CSMD1: variants seen among roughly 807,000 people sequenced by gnomAD.
CSMD1 encodes the protein CUB and Sushi multiple domains 1.
CSMD1 carries 213 observed loss-of-function variants against 417.5 expected under a neutral mutation model. The ratio of observed to expected loss-of-function variants is 0.51; its 90% CI spans 0.46 to 0.57. The LOEUF is 0.57. Ranked by LOEUF, CSMD1 falls within the 20% of genes least tolerant of loss-of-function variation. CSMD1 has a pLI of 0.00. For synonymous variants in CSMD1, 2,862 were observed against 1,736.8 expected, an observed-to-expected ratio of 1.65 and a Z score of -16.11; for missense variants, 6,923 against 4,529.7, an observed-to-expected ratio of 1.53 and a Z score of -15.17.
At chr8:3,766,571 T>C (rs949757127) in intron 5 of CSMD1, among the ~76,000 whole-genome samples, 2 of 152,122 alleles carry the variant, frequency 1.3e-5, no homozygotes, top group African/African-American at 4.8e-5. Flanking sequence ...ATCCATATCA[T>C]ATTTTGACTA....
chr8:3,380,188 GAC>G (rs1244894658), intron 18 of CSMD1, among the ~76,000 whole-genome samples: 22 of 152,186 alleles, frequency 1.4e-4, no homozygotes, highest in Non-Finnish European at 2.9e-4. Flanking sequence ...ACCACAGTGA[GAC>G]ACAGTCTCAC....
intron 2 of CSMD1, among the ~76,000 whole-genome samples, chr8:4,436,117 C>G (rs1352044231): frequency 6.6e-6 from 1 of 152,194 alleles, no homozygotes; most frequent in South Asian, 2.1e-4. Context: ...TAAATATATT[C>G]TTCATTTCAG....
chr8:4,247,766 C>G (rs527795277), intron 3 of CSMD1, among the ~76,000 whole-genome samples: 1 of 152,130 alleles, frequency 6.6e-6, no homozygotes, highest in South Asian at 2.1e-4. Context: ...AAGCCTACAA[C>G]TTTAAAATAG....
chr8:4,980,324 C>T (rs529484298), intron 1 of CSMD1, among the ~76,000 whole-genome samples: 1 of 152,280 alleles, frequency 6.6e-6, no homozygotes, highest in Admixed American at 6.5e-5. Context: ...GTGCCTATTA[C>T]ATTAGGAGAG....
chr8:3,624,618 T>G (rs1269158831), intron 7 of CSMD1, among the ~76,000 whole-genome samples: 2 of 152,160 alleles, frequency 1.3e-5, no homozygotes, highest in East Asian at 1.9e-4. Flanking sequence ...TGCATAACCA[T>G]CAGGAAAGTG....
intron 36 of CSMD1, among the ~76,000 whole-genome samples, chr8:3,182,759 G>A: frequency 2.1e-5 from 3 of 140,524 alleles, no homozygotes; most frequent in Non-Finnish European, 4.6e-5. Flanking sequence ...CTGTGTGTGT[G>A]TGTGTGTGTA....
intron 5 of CSMD1, among the ~76,000 whole-genome samples, chr8:3,799,687 TGACAGTTAAGTCTGCCA>T (rs1235568677): frequency 6.6e-6 from 1 of 151,726 alleles, no homozygotes; most frequent in Admixed American, 6.6e-5. Context: ...CTTCCTTATC[TGACAGTTAAGTCTGCCA>T]GCTGAACGTT....
Position 4,645,444 on chromosome 8 carries a change from C to CAAAAAAAAAAAAAAAAAAAAAAA in CSMD1, c.86-7909_86-7887dup, listed in dbSNP as rs549511320. ...CAAGACAGCAGGTGTAGTGCAGGGGCAAAAAAAAAAAAAAAAAAAAAAAGG... is the reference window on the plus strand; with the variant it reads ...CAAGACAGCAGGTGTAGTGCAGGGGCAAAAAAAAAAAAAAAAAAAAAAAAAAAAAAAAAAAAAAAAAAAAAAGG... On this transcript the variant is annotated intron_variant, in intron 1 of 69. Coordinates refer to ENST00000635120, the MANE Select transcript of CSMD1 (RefSeq NM_033225.6). 2.2e-4 allele frequency among the ~76,000 whole-genome samples: 8 copies of CAAAAAAAAAAAAAAAAAAAAAAA among 36,854 alleles called. 2 individuals are homozygous for CAAAAAAAAAAAAAAAAAAAAAAA. The highest frequency in any genetic ancestry group is 1.4e-3 in the East Asian group (2 of 1,382). The allele number at this position is 36,854 out of a possible 152,430, so 24.2% of individuals were successfully genotyped here. A position where few individuals can be genotyped will look rare whatever the true frequency, so the allele number is the denominator to read the frequency against.
chr8:4,759,629 T>C (rs1308783126), intron 1 of CSMD1, among the ~76,000 whole-genome samples: 3 of 152,104 alleles, frequency 2.0e-5, no homozygotes, highest in Non-Finnish European at 4.4e-5. Context: ...GTGTTCTCAT[T>C]GCTCAACTCC....
intron 18 of CSMD1, among the ~76,000 whole-genome samples, chr8:3,370,095 A>G (rs539187237): frequency 6.6e-6 from 1 of 152,354 alleles, no homozygotes; most frequent in South Asian, 2.1e-4. Flanking sequence ...TCAAAACGTT[A>G]TCTACTGAGA....
At chr8:3,727,633 G>A (rs192057359) in intron 6 of CSMD1, among the ~76,000 whole-genome samples, 27 of 152,228 alleles carry the variant, frequency 1.8e-4, no homozygotes, top group Admixed American at 1.4e-3. Flanking sequence ...CTGAAATAAT[G>A]GAAAGCTGGG....
At position 4,622,105 on chromosome 8, in the gene CSMD1, C is replaced by G. The variant is rs1050510433; in HGVS notation, c.302+15237G>C. The stretch of plus-strand genomic sequence containing the variant: ...CTAGGCAGGAGACAAAATCTCTCAT[C>G]AGGGAAATTCAGTATGAAGAACGAT... On this transcript the variant is annotated intron_variant, in intron 2 of 69. Coordinates refer to ENST00000635120, the MANE Select transcript of CSMD1 (RefSeq NM_033225.6). 1.5e-4 allele frequency among the ~76,000 whole-genome samples: 22 copies of G among 149,360 alleles called. 1 individual carries two copies. The highest frequency in any genetic ancestry group is 5.2e-4 in the African/African-American group (21 of 40,312).
At chr8:3,270,450 T>A (rs1223807248) in intron 26 of CSMD1, among the ~76,000 whole-genome samples, 1 of 152,186 alleles carries the variant, frequency 6.6e-6, no homozygotes, top group East Asian at 1.9e-4. Flanking sequence ...ATTTACCAGG[T>A]GATAGATTAA....
At chr8:3,260,564 G>A (rs920272758) in intron 26 of CSMD1, among the ~76,000 whole-genome samples, 5 of 150,268 alleles carry the variant, frequency 3.3e-5, no homozygotes, top group African/African-American at 1.2e-4. Context: ...TAACTACAGA[G>A]AGGGTCCACC....
intron 5 of CSMD1, among the ~76,000 whole-genome samples, chr8:3,778,519 G>C (rs1387777155): frequency 2.0e-5 from 3 of 152,200 alleles, no homozygotes; most frequent in East Asian, 1.9e-4. Context: ...CCTTCTACAA[G>C]AACGCTGCCC....
At chr8:3,634,204 C>T (rs145479809) in intron 7 of CSMD1, among the ~76,000 whole-genome samples, 3 of 152,274 alleles carry the variant, frequency 2.0e-5, no homozygotes, top group Middle Eastern at 3.4e-3. Context: ...CCTTAGGCCA[C>T]AGCAGATAGT....
chr8:3,043,053 T>G (rs7460623), intron 50 of CSMD1, among the ~76,000 whole-genome samples: 1 of 143,538 alleles, frequency 7.0e-6, no homozygotes, highest in South Asian at 2.1e-4. Flanking sequence ...TGGGATTATA[T>G]GTATATATAG....
At chr8:3,800,757 G>C (rs1038680844) in intron 5 of CSMD1, among the ~76,000 whole-genome samples, 1 of 152,058 alleles carries the variant, frequency 6.6e-6, no homozygotes, top group South Asian at 2.1e-4. Context: ...GAGGTAGTTT[G>C]TTTTTAAGCA....
chr8:4,527,596 A>C (rs1426887283), intron 2 of CSMD1, among the ~76,000 whole-genome samples: 3 of 152,148 alleles, frequency 2.0e-5, no homozygotes, highest in Non-Finnish European at 4.4e-5. Context: ...GTGCTTAAGA[A>C]GTTGGTAGGG....
Sources: allele counts gnomAD v4.1 joint callset (sites outside exome capture counted in the v4.1 genomes callset), GRCh38; gene constraint gnomAD v4.1.1; transcripts MANE v1.5; gene names NCBI Gene and HGNC (gene_info 2026-07-23, HGNC 2026-07-21).